Variants in SIRPB1 observed in about 807,000 individuals in gnomAD.
SIRPB1 encodes signal regulatory protein beta 1.
SIRPB1 carries 28 observed loss-of-function variants against 34.1 expected under a neutral mutation model. The observed-to-expected ratio is 0.82, with a 90% CI of 0.61 to 1.12. SIRPB1 has a LOEUF of 1.12. Among genes scored for constraint, SIRPB1 ranks in the 50% most tolerant of loss-of-function variants. The probability of loss-of-function intolerance (pLI) is 0.00; values close to 1 mark genes in which losing one functional copy is unlikely to be tolerated. For missense variants in SIRPB1, 499 were observed against 507.0 expected, an observed-to-expected ratio of 0.98 and a Z score of 0.15; for synonymous variants, 211 against 203.8, an observed-to-expected ratio of 1.04 and a Z score of -0.30.
Position 1,616,060 on chromosome 20 carries a change from A to G in SIRPB1, c.76+3809T>C, listed in dbSNP as rs571726817. Reference sequence around the variant, plus strand: ...CAAAAAAAGCTATAACACCCTGATGAAAAATAAATAGAACAAAAATAATGG... The same window carrying G: ...CAAAAAAAGCTATAACACCCTGATGGAAAATAAATAGAACAAAAATAATGG... On this transcript the variant is annotated intron_variant, in intron 1 of 5. Coordinates refer to ENST00000381605, the MANE Select transcript of SIRPB1 (RefSeq NM_006065.5). 9.2e-5 allele frequency among the ~76,000 whole-genome samples: 14 copies of G among 152,366 alleles called. No individual in the cohort carries two copies. In the East Asian group the frequency reaches 2.3e-3, roughly 25 times the overall value.
In SIRPB1 at chr20:1,564,384, A is replaced by G. The variant is rs998582581; in HGVS notation, c.*1116T>C. On this transcript the variant is annotated 3_prime_UTR_variant, in exon 6 of 6. Transcript: ENST00000381605. ...AAATAAATAATATTTTATACAAGGT[A>G]GTTTATAGAAGGTGCCTTTAATGAA... 2 of 152,286 alleles carry G rather than the reference A, an allele frequency of 1.3e-5. No individual in the cohort carries two copies. The highest frequency in any genetic ancestry group is 1.3e-4 in the Admixed American group (2 of 15,284). 9.4% of individuals were successfully genotyped at this position (152,286 alleles called of 1,614,324 possible).
In SIRPB1 at chr20:1,570,823, C is replaced by T. The variant is rs779050256; in HGVS notation, c.1066G>A (p.Gly356Ser). The T allele has an allele frequency of 3.1e-6, 5 of 1,613,586 alleles. No homozygotes were observed. Among genetic ancestry groups the T allele is most frequent in the Middle Eastern group, 1.7e-4 (1 of 6,060 alleles). The change falls in exon 4 of 6, where the codon GGC (glycine) becomes AGC (serine). Residue 356 changes from glycine to serine, a missense_variant. Physicochemically the swap from Gly to Ser is moderately conservative, Grantham distance 56 (BLOSUM62 0). Coordinates refer to ENST00000381605, the MANE Select transcript of SIRPB1 (RefSeq NM_006065.5). The stretch of plus-strand genomic sequence containing the variant: ...ACCGCACCATGGGTGATATCTGAGC[C>T]GTGCTCCTTCTGGTGCGCTGAGATC... ...LEISAHQKEH[G>S]SDITHEAALA...
chr20:1,568,634 C>T (rs1236288974), intron 4 of SIRPB1, among the ~76,000 whole-genome samples: 1 of 152,110 alleles, frequency 6.6e-6, no homozygotes, highest in East Asian at 1.9e-4. Context: ...GACTGAGGAA[C>T]AGCCCAGCAG....
At chr20:1,616,318 G>T (rs1021400553) in intron 1 of SIRPB1, among the ~76,000 whole-genome samples, 1 of 152,104 alleles carries the variant, frequency 6.6e-6, no homozygotes. Flanking sequence ...CTTGACTACC[G>T]TGCCATAGTA....
chr20:1,598,087 G>A lies in SIRPB1; in HGVS notation c.77-19393C>T, dbSNP rs2091463413. 10 of 371,260 alleles carry A rather than the reference G, an allele frequency of 2.7e-5. 4 individuals are homozygous for A. Among genetic ancestry groups the A allele is most frequent in the Non-Finnish European group, 2.5e-5 (8 of 325,080 alleles). The allele number at this position is 371,260 out of a possible 1,614,324, so 23.0% of individuals were successfully genotyped here. On this transcript the variant is annotated intron_variant, in intron 1 of 5. Transcript: ENST00000381605. ...GGTGTTTGGAGCTCAGTCTGGGGAA[G>A]CTTCTCACCAGCCCCTTCTCTCAGT...
rs747900541 is a variant in SIRPB1 at position 1,571,879 on chromosome 20, C to T, written c.592G>A (p.Asp198Asn). Residue 198 changes from aspartate to asparagine, a missense_variant, in exon 3 of 6, where the codon GAC becomes AAC. Asp to Asn is a conservative substitution (Grantham distance 23). Transcript: ENST00000381605. Reference sequence around the variant, plus strand: ...TAGGACACACTGTCTCCTGCGGGGTCCACGTTGGTCTGGAAGTCTGAGAGC... The same window carrying T: ...TAGGACACACTGTCTCCTGCGGGGTTCACGTTGGTCTGGAAGTCTGAGAGC... Reference protein sequence around the residue: ...NELSDFQTNVDPAGDSVSYSI... With the variant: ...NELSDFQTNVNPAGDSVSYSI... 2 of 1,614,214 alleles carry T rather than the reference C, an allele frequency of 1.2e-6. No homozygotes were observed. Among genetic ancestry groups the T allele is most frequent in the East Asian group, 4.5e-5 (2 of 44,888 alleles).
At chr20:1,573,064 G>T (rs2091266023) in intron 2 of SIRPB1, among the ~76,000 whole-genome samples, 1 of 146,530 alleles carries the variant, frequency 6.8e-6, no homozygotes. Flanking sequence ...GGGTTTCACT[G>T]ACTCAGTGTA....
chr20:1,571,321 C>T (rs6079627), intron 3 of SIRPB1, among the ~76,000 whole-genome samples, 184 bp from the exon 4 acceptor site: 26 of 152,188 alleles, frequency 1.7e-4, no homozygotes, highest in Non-Finnish European at 2.4e-4. Flanking sequence ...CAGTGCCTGG[C>T]GCACAGTAGG....
In SIRPB1 at chr20:1,610,590, G is replaced by C. The variant is rs547693334; in HGVS notation, c.76+9279C>G. On this transcript the variant is annotated intron_variant, in intron 1 of 5. Coordinates refer to ENST00000381605, the MANE Select transcript of SIRPB1 (RefSeq NM_006065.5). ...CACCCACTTGTGGGACCTCTTTCCT[G>C]AGGTGAGGGACATTCTGAGATGATG... Among the ~76,000 whole-genome samples, 146 of 72,010 alleles carry C rather than the reference G, an allele frequency of 2.0e-3. 64 individuals carry two copies. The highest frequency in any genetic ancestry group is 0.013 in the African/African-American group (143 of 11,320). The allele number at this position is 72,010 out of a possible 152,430, so 47.2% of individuals were successfully genotyped here.
At chr20:1,578,922 C>G (rs1185597756) in intron 1 of SIRPB1, among the ~76,000 whole-genome samples, 2 of 148,098 alleles carry the variant, frequency 1.4e-5, no homozygotes, top group African/African-American at 4.9e-5. Flanking sequence ...CTTTTCCTTA[C>G]TTTCTTCTGT....
intron 4 of SIRPB1, among the ~76,000 whole-genome samples, chr20:1,567,068 G>A (rs1352185079): frequency 6.6e-6 from 1 of 152,066 alleles, no homozygotes; most frequent in Non-Finnish European, 1.5e-5. Context: ...GGTTTTGGAT[G>A]TTAAAAGTAA....
chr20:1,573,381 GAAC>G (rs1465379866), intron 2 of SIRPB1, among the ~76,000 whole-genome samples: 2 of 73,826 alleles, frequency 2.7e-5, no homozygotes, highest in Admixed American at 3.1e-4. Context: ...TGGAGAATCA[GAAC>G]AACGAGTGCA....
intron 1 of SIRPB1, among the ~76,000 whole-genome samples, chr20:1,614,888 T>C (rs1307429720): frequency 6.6e-6 from 1 of 152,208 alleles, no homozygotes; most frequent in Non-Finnish European, 1.5e-5. Context: ...TCTTGTGCTA[T>C]GCTATGTACA....
intron 1 of SIRPB1, among the ~76,000 whole-genome samples, chr20:1,585,281 G>A (rs1352521285): frequency 2.0e-5 from 1 of 48,810 alleles, no homozygotes; most frequent in Non-Finnish European, 3.9e-5. Flanking sequence ...CACAGCCAAG[G>A]AAACAATCAA....
chr20:1,570,908 C>T lies in SIRPB1; in HGVS notation c.981G>A (p.Val327=). The change falls in exon 4 of 6, where the codon GTG becomes GTA. Residue 327 remains valine (V), a synonymous_variant. Transcript: ENST00000381605. ...VNTCAHRDDV[V]LTCQVEHDGQ... Reference sequence around the variant, plus strand: ...CATCATGCTCCACCTGACAGGTGAGCACCACATCGTCCCTGTGGGCACAGG... The same window carrying T: ...CATCATGCTCCACCTGACAGGTGAGTACCACATCGTCCCTGTGGGCACAGG... 6.2e-7 allele frequency: 1 copy of T among 1,614,204 alleles called. No homozygotes were observed. Among genetic ancestry groups the T allele is most frequent in the Non-Finnish European group, 8.5e-7 (1 of 1,180,024 alleles).
In SIRPB1 at chr20:1,618,858, G is replaced by A. The variant is rs947759957; in HGVS notation, c.76+1011C>T. On this transcript the variant is annotated intron_variant, in intron 1 of 5. Coordinates refer to ENST00000381605, the MANE Select transcript of SIRPB1 (RefSeq NM_006065.5). Reference sequence around the variant, plus strand: ...CCATGGGAAATTTAAGAGAACCAAAGGAGGTTGTAGTACCTGTTATGGGCT... The same window carrying A: ...CCATGGGAAATTTAAGAGAACCAAAAGAGGTTGTAGTACCTGTTATGGGCT... 7.9e-5 allele frequency among the ~76,000 whole-genome samples: 12 copies of A among 152,206 alleles called. 1 individual carries two copies. The highest frequency in any genetic ancestry group is 5.9e-4 in the Admixed American group (9 of 15,290).
chr20:1,592,861 A>C lies in SIRPB1; in HGVS notation c.77-14167T>G, dbSNP rs1201148170. ...AGGTCATGTAATATCAGTATATCCCAAATTAACCAAAGTGTGTTTATTGAT... is the reference window on the plus strand; with the variant it reads ...AGGTCATGTAATATCAGTATATCCCCAATTAACCAAAGTGTGTTTATTGAT... On this transcript the variant is annotated intron_variant, in intron 1 of 5. Coordinates refer to ENST00000381605, the MANE Select transcript of SIRPB1 (RefSeq NM_006065.5). Among the ~76,000 whole-genome samples the C allele has an allele frequency of 4.1e-5, 2 of 49,354 alleles. 1 individual carries two copies. Among genetic ancestry groups the C allele is most frequent in the Non-Finnish European group, 7.8e-5 (2 of 25,556 alleles). The allele number at this position is 49,354 out of a possible 152,430, so 32.4% of individuals were successfully genotyped here.
intron 5 of SIRPB1, 141 bp downstream of exon 5, chr20:1,566,012 C>T (rs1409133781): frequency 8.4e-6 from 5 of 594,148 alleles, no homozygotes; most frequent in African/African-American, 1.9e-5. Flanking sequence ...TTCCCTGAGA[C>T]TCCTGAGTAT....
intron 1 of SIRPB1, among the ~76,000 whole-genome samples, chr20:1,617,920 C>T (rs968832112): frequency 5.3e-5 from 8 of 152,120 alleles, no homozygotes; most frequent in Admixed American, 4.6e-4. Flanking sequence ...TATATGCATA[C>T]ATGCATATAC....
Sources: gnomAD v4.1 joint callset for allele counts (sites outside exome capture counted in the v4.1 genomes callset) on GRCh38, gnomAD v4.1.1 for gene constraint, MANE v1.5 for transcripts, NCBI Gene and HGNC (gene_info 2026-07-23, HGNC 2026-07-21) for gene names.